The following INTS1 variants were observed in gnomAD, a reference collection of about 807,000 sequenced individuals.
INTS1 encodes the protein integrator complex subunit 1.
INTS1 carries 137 observed loss-of-function variants against 241.6 expected under a neutral mutation model. The observed-to-expected ratio is 0.57, with a 90% CI of 0.49 to 0.65. INTS1 has a LOEUF of 0.65. INTS1 is among the 30% of genes least tolerant of loss of function. INTS1 has a pLI of 0.00. For missense variants in INTS1, 3,073 were observed against 3,032.2 expected, an observed-to-expected ratio of 1.01 and a Z score of -0.32; for synonymous variants, 1,692 against 1,337.8, an observed-to-expected ratio of 1.26 and a Z score of -5.78.
chr7:1,474,572 G>T, intron 40 of INTS1, 133 bp downstream of exon 40: 1 of 1,325,206 alleles, frequency 7.5e-7, no homozygotes, highest in Non-Finnish European at 1.0e-6. Flanking sequence ...ACTTCCCCCG[G>T]TCAAGCTCAG....
Position 1,493,966 on chromosome 7 carries a change from G to C in INTS1, c.1911-55C>G. 6.6e-7 allele frequency: 1 copy of C among 1,516,544 alleles called. No individual in the cohort carries two copies. Among genetic ancestry groups the C allele is most frequent in the Admixed American group, 2.1e-5 (1 of 48,458 alleles). 93.9% of individuals were successfully genotyped at this position (1,516,544 alleles called of 1,614,324 possible). A position where few individuals can be genotyped will look rare whatever the true frequency, so the allele number is the denominator to read the frequency against. On this transcript the variant is annotated intron_variant, in intron 14 of 47. Coordinates refer to ENST00000404767, the MANE Select transcript of INTS1 (RefSeq NM_001080453.3). This position sits in a 1 kb window ranked among gnomAD's most constrained non-coding sequence, Gnocchi z 5.3. Reference sequence around the variant, plus strand: ...TGGGCTGCCCACACCTGCCAGACCTGAGGGGCCGAGGACAGGCCAGCTTCT... The same window carrying C: ...TGGGCTGCCCACACCTGCCAGACCTCAGGGGCCGAGGACAGGCCAGCTTCT...
chr7:1,477,666 C>T lies in INTS1; in HGVS notation c.4822G>A (p.Ala1608Thr). The T allele has an allele frequency of 6.3e-7, 1 of 1,596,448 alleles. No individual in the cohort carries two copies. The highest frequency in any genetic ancestry group is 8.5e-7 in the Non-Finnish European group (1 of 1,171,852). Residue 1608 changes from alanine to threonine, a missense_variant, in exon 35 of 48, where the codon GCC becomes ACC. Physicochemically the swap from Ala to Thr is moderately conservative, Grantham distance 58 (BLOSUM62 0). Coordinates refer to ENST00000404767, the MANE Select transcript of INTS1 (RefSeq NM_001080453.3). Reference protein sequence around the residue: ...KPGADGGSLEAVRLGPSSGLL... With the variant: ...KPGADGGSLETVRLGPSSGLL... ...CCTGACGAGGGCCCCAGCCGCACGG[C>T]CTCCAGGCTGCAGGGAGAAGGTGGC...
chr7:1,492,165 G>T (rs181667189), intron 16 of INTS1, among the ~76,000 whole-genome samples: 13 of 152,296 alleles, frequency 8.5e-5, no homozygotes, highest in African/African-American at 3.1e-4. Flanking sequence ...CGGCCACACA[G>T]ATTTGTCCAC....
At chr7:1,483,973 T>A in intron 25 of INTS1, 30 bp downstream of exon 25, 2 of 1,596,302 alleles carry the variant, frequency 1.3e-6, no homozygotes, top group Non-Finnish European at 1.7e-6. Flanking sequence ...CTCCTCGCCC[T>A]CACCCGGCCG....
At chr7:1,491,756 G>C (rs1782558413) in intron 16 of INTS1, among the ~76,000 whole-genome samples, 1 of 152,124 alleles carries the variant, frequency 6.6e-6, no homozygotes, top group African/African-American at 2.4e-5. Flanking sequence ...AAATTAGCTG[G>C]GCATGGTGGC....
intron 42 of INTS1, 70 bp downstream of exon 42, chr7:1,473,496 G>C: frequency 3.3e-6 from 5 of 1,526,178 alleles, no homozygotes; most frequent in Non-Finnish European, 4.4e-6. Flanking sequence ...GCCTTCCCAG[G>C]AACACCCTCC....
chr7:1,499,923 G>A lies in INTS1; in HGVS notation c.645C>T (p.Ala215=). ...CGGGCCAGTTCTCGTCCTCCTCGTA[G>A]GCGGCCATGAGGAGGTTACAGGCCA... is the stretch of plus-strand genomic sequence containing the variant. ...SVLACNLLMA[A]YEEDENWPEI... is the part of the protein sequence containing the mutation. The change falls in exon 5 of 48, where the codon GCC becomes GCT. Residue 215 remains alanine, a synonymous_variant. Coordinates refer to ENST00000404767, the MANE Select transcript of INTS1 (RefSeq NM_001080453.3). 6.2e-7 allele frequency: 1 copy of A among 1,613,690 alleles called. No individual in the cohort carries two copies. Among genetic ancestry groups the A allele is most frequent in the Non-Finnish European group, 8.5e-7 (1 of 1,179,810 alleles).
intron 40 of INTS1, 89 bp from the exon 41 acceptor site, chr7:1,474,449 G>T: frequency 2.2e-6 from 3 of 1,363,512 alleles, no homozygotes; most frequent in South Asian, 2.9e-5. Flanking sequence ...TGCCCCGGGA[G>T]CCAGACCCCG....
rs574523023 is a variant in INTS1, at chr7:1,493,418, G to A, written c.2069-312C>T. ...CCCTCGGGGCAGAGCCACGGACGAG[G>A]CGCGAGCTGGATTTACAATCATTCT... On this transcript the variant is annotated intron_variant, in intron 15 of 47. Coordinates refer to ENST00000404767, the MANE Select transcript of INTS1 (RefSeq NM_001080453.3). This position sits in a 1 kb window ranked among gnomAD's most constrained non-coding sequence, Gnocchi z 5.3. Among the ~76,000 whole-genome samples the A allele has an allele frequency of 1.3e-5, 2 of 152,282 alleles. No homozygotes were observed. The highest frequency in any genetic ancestry group is 2.1e-4 in the South Asian group (1 of 4,822).
chr7:1,476,127 G>C lies in INTS1; in HGVS notation c.5379-56C>G. The C allele has an allele frequency of 1.6e-5, 25 of 1,527,218 alleles. No homozygotes were observed. In the South Asian group the frequency reaches 2.5e-4, roughly 15 times the overall value. 94.6% of individuals were successfully genotyped at this position (1,527,218 alleles called of 1,614,324 possible). On this transcript the variant is annotated intron_variant, in intron 38 of 47. Coordinates refer to ENST00000404767, the MANE Select transcript of INTS1 (RefSeq NM_001080453.3). Reference sequence around the variant, plus strand: ...GGACGGGGCCCCAGTGACAGGGGTGGGTGGACGGGACCAGGCGTGATGGGA... The same window carrying C: ...GGACGGGGCCCCAGTGACAGGGGTGCGTGGACGGGACCAGGCGTGATGGGA...
At position 1,485,349 on chromosome 7, in the gene INTS1, G is replaced by A. The variant is rs1782204799; in HGVS notation, c.3097C>T (p.Leu1033=). 1 of 1,611,912 alleles carries A rather than the reference G, an allele frequency of 6.2e-7. No homozygotes were observed. Among genetic ancestry groups the A allele is most frequent in the Non-Finnish European group, 8.5e-7 (1 of 1,179,768 alleles). Residue 1033 remains leucine, a synonymous_variant, in exon 23 of 48, where the codon CTG becomes TTG. Transcript: ENST00000404767. Reference sequence around the variant, plus strand: ...CTGTCGAACAGAGGCAGGCGAGGCAGGTCCCGCAGCAGCCACTGATAGCCC... The same window carrying A: ...CTGTCGAACAGAGGCAGGCGAGGCAAGTCCCGCAGCAGCCACTGATAGCCC... ...LQGYQWLLRD[L]PRLPLFDSVR...
intron 16 of INTS1, among the ~76,000 whole-genome samples, chr7:1,490,224 C>T (rs6968011): frequency 6.6e-6 from 1 of 152,018 alleles, no homozygotes; most frequent in African/African-American, 2.4e-5. Context: ...TCAGAGAGCA[C>T]GCGAGGCTCA....
At chr7:1,492,884 G>C in intron 16 of INTS1, 126 bp downstream of exon 16, 1 of 572,130 alleles carries the variant, frequency 1.7e-6, no homozygotes. Context: ...CCGGGCGGGA[G>C]TGGGGAGCGG....
Position 1,499,986 on chromosome 7 carries a change from G to A in INTS1, c.582C>T (p.Ile194=). The change falls in exon 5 of 48, where the codon ATC becomes ATT. Residue 194 remains isoleucine, a synonymous_variant. Transcript: ENST00000404767. ...GGCTGTTCCCCTTGGCCTTGAAGTT[G>A]ATGGAGGCGTCCCGCCGCAGGAGGC... ...LCSLLRRDAS[I]NFKAKGNSLV... 1 of 1,613,538 alleles carries A rather than the reference G, an allele frequency of 6.2e-7. No homozygotes were observed. Among genetic ancestry groups the A allele is most frequent in the Middle Eastern group, 1.7e-4 (1 of 6,060 alleles).
Position 1,499,073 on chromosome 7 carries a change from A to G in INTS1, c.1039T>C (p.Ser347Pro). 1 of 1,607,702 alleles carries G rather than the reference A, an allele frequency of 6.2e-7. No individual in the cohort carries two copies. The highest frequency in any genetic ancestry group is 1.7e-5 in the Admixed American group (1 of 59,550). The change falls in exon 8 of 48, where the codon TCC becomes CCC. Residue 347 changes from serine (S) to proline (P), a missense_variant. Ser to Pro is a moderately conservative substitution (Grantham distance 74, BLOSUM62 -1). Coordinates refer to ENST00000404767, the MANE Select transcript of INTS1 (RefSeq NM_001080453.3). ...LNRRQPIDNV[S>P]RNLLRLLTST... Reference sequence around the variant, plus strand: ...GTGAGGAGCCGCAGGAGGTTCCTGGAGACGTTGTCGATGGGCTGGCGCCGG... The same window carrying G: ...GTGAGGAGCCGCAGGAGGTTCCTGGGGACGTTGTCGATGGGCTGGCGCCGG...
chr7:1,498,726 G>T lies in INTS1; in HGVS notation c.1264C>A (p.His422Asn), dbSNP rs972575010. 1 of 1,556,318 alleles carries T rather than the reference G, an allele frequency of 6.4e-7. No homozygotes were observed. Residue 422 changes from histidine to asparagine, a missense_variant, in exon 9 of 48, where the codon CAC becomes AAC. By Grantham distance (68) the His-to-Asn change is moderately conservative (BLOSUM62 1). Transcript: ENST00000404767. ...IRLKPKVLLNHFMLCIRELLS... is the reference protein window; with the variant it reads ...IRLKPKVLLNNFMLCIRELLS... ...ACGCACCTGATGCACAGCATGAAGTGGTTGAGGAGGACCTTGGGCTTGAGG... is the reference window on the plus strand; with the variant it reads ...ACGCACCTGATGCACAGCATGAAGTTGTTGAGGAGGACCTTGGGCTTGAGG...
intron 45 of INTS1, 21 bp downstream of exon 45, chr7:1,471,550 C>A: frequency 3.1e-6 from 5 of 1,611,392 alleles, no homozygotes; most frequent in Non-Finnish European, 4.2e-6. Context: ...CCCAGCTCTC[C>A]CTCAGCCCCA....
At position 1,498,628 on chromosome 7, in the gene INTS1, C is replaced by A. The variant is rs556344719; in HGVS notation, c.1284-75G>T. On this transcript the variant is annotated intron_variant, in intron 9 of 47. Transcript: ENST00000404767. ...ACTCCGCCTGTGCCCCCACTCCGCC[C>A]GCACCCCCGCTCCGCCCACACCCCC... The A allele has an allele frequency of 1.4e-5, 22 of 1,554,652 alleles. No homozygotes were observed. In the South Asian group the frequency reaches 2.3e-4, roughly 17 times the overall value.
intron 46 of INTS1, 44 bp downstream of exon 46, chr7:1,471,089 G>T: frequency 6.5e-7 from 1 of 1,535,588 alleles, no homozygotes; most frequent in Non-Finnish European, 8.8e-7. Context: ...TGGGTTAGCA[G>T]GGCCCAGCGG....
Sources: gnomAD v4.1 joint callset for allele counts (sites outside exome capture counted in the v4.1 genomes callset) on GRCh38, gnomAD v4.1.1 for gene constraint, Gnocchi (gnomAD v3.1) non-coding constraint, MANE v1.5 for transcripts, NCBI Gene and HGNC (gene_info 2026-07-23, HGNC 2026-07-21) for gene names.